The following TAF3 variants were observed in gnomAD, a reference collection of about 807,000 sequenced individuals.
TAF3 encodes TATA-box binding protein associated factor 3, also known as transcription initiation factor TFIID subunit 3.
TAF3 carries 7 observed loss-of-function variants against 80.6 expected under a neutral mutation model. The observed-to-expected ratio is 0.09, with a 90% confidence interval of 0.05 to 0.16. The LOEUF (loss-of-function observed/expected upper bound fraction) is 0.16. TAF3 is among the 10% of genes least tolerant of loss of function. The pLI is 1.00. For synonymous variants in TAF3, 444 were observed against 446.1 expected, an observed-to-expected ratio of 1.00 and a Z score of 0.06; for missense variants, 921 against 1,140.2, an observed-to-expected ratio of 0.81 and a Z score of 2.77.
In TAF3 at chr10:7,903,269, A is replaced by G. The variant is rs1837577404; in HGVS notation, c.410-60651A>G. ...TGTCATCATGTATGCTGCTGCTCAA[A>G]TTGTCCCAAATTTGACAAATGAGAG... On this transcript the variant is annotated intron_variant, in intron 2 of 6. Transcript: ENST00000344293. 2.0e-5 allele frequency among the ~76,000 whole-genome samples: 3 copies of G among 152,104 alleles called. No individual in the cohort carries two copies. The South Asian group carries it at 6.2e-4, about 32-fold the overall frequency.
Position 8,009,175 on chromosome 10 carries a change from C to T in TAF3, c.2413C>T (p.Pro805Ser). ...PPPAPAPAPG[P>S]MLVSPAPVPL... ...GCCGGCCCCCGCGCCCGCCCCCGGC[C>T]CCATGCTCGTCAGCCCTGCGCCCGT... is the stretch of plus-strand genomic sequence containing the variant. Residue 805 changes from proline (P) to serine (S), a missense_variant, in exon 5 of 7, where the codon CCC (proline) becomes TCC (serine). Transcript: ENST00000344293. This position sits in a 1 kb window ranked among gnomAD's most constrained non-coding sequence, Gnocchi z 4.1. 6.5e-7 allele frequency: 1 copy of T among 1,528,264 alleles called. No homozygotes were observed. 94.7% of individuals were successfully genotyped at this position (1,528,264 alleles called of 1,614,324 possible).
At chr10:7,955,994 C>T (rs1838131583) in intron 2 of TAF3, among the ~76,000 whole-genome samples, 1 of 152,096 alleles carries the variant, frequency 6.6e-6, no homozygotes, top group Non-Finnish European at 1.5e-5. Flanking sequence ...CAGTCACACT[C>T]TGATGCTTTT....
chr10:7,996,363 T>G (rs1831887478), intron 4 of TAF3, among the ~76,000 whole-genome samples: 1 of 152,140 alleles, frequency 6.6e-6, no homozygotes, highest in Admixed American at 6.5e-5. Context: ...CCACAGCCTG[T>G]TTTATGACCT....
chr10:7,992,319 T>C (rs549316512), intron 4 of TAF3, among the ~76,000 whole-genome samples: 73 of 152,332 alleles, frequency 4.8e-4, no homozygotes, highest in African/African-American at 1.7e-3. Flanking sequence ...TGATCTGCAT[T>C]TAACACATAC....
intron 2 of TAF3, among the ~76,000 whole-genome samples, chr10:7,864,497 G>A (rs893700721): frequency 6.6e-6 from 1 of 152,222 alleles, no homozygotes; most frequent in South Asian, 2.1e-4. Flanking sequence ...ATTCTTAACC[G>A]TAGTCACATT....
Position 7,965,250 on chromosome 10 carries a change from TAAAGAG to T in TAF3, c.1741_1746del (p.Lys581_Glu582del), listed in dbSNP as rs766867066. The T allele has an allele frequency of 3.1e-6, 5 of 1,608,668 alleles. No homozygotes were observed. Among genetic ancestry groups the T allele is most frequent in the Non-Finnish European group, 3.4e-6 (4 of 1,178,742 alleles). ...CAAAGTATCCCTGGAAGGAATTTCT[TAAAGAG>T]GAAGAGGCAGATCCCTACAAGTTTA... On this transcript the variant is annotated inframe_deletion, in exon 3 of 7. Coordinates refer to ENST00000344293, the MANE Select transcript of TAF3 (RefSeq NM_031923.4).
chr10:7,977,762 C>G (rs1252058135), intron 4 of TAF3, among the ~76,000 whole-genome samples: 1 of 152,158 alleles, frequency 6.6e-6, no homozygotes, highest in African/African-American at 2.4e-5. Flanking sequence ...TATTCTGTAC[C>G]TGTAAAACAA....
chr10:7,893,710 A>C (rs942381918), intron 2 of TAF3, among the ~76,000 whole-genome samples: 1 of 151,996 alleles, frequency 6.6e-6, no homozygotes, highest in Non-Finnish European at 1.5e-5. Flanking sequence ...CTATCTGTGT[A>C]TGCTCACCAA....
chr10:7,850,329 G>T (rs1462664544), intron 2 of TAF3, among the ~76,000 whole-genome samples: 3 of 152,160 alleles, frequency 2.0e-5, no homozygotes, highest in Non-Finnish European at 4.4e-5. Flanking sequence ...GTTTGGAGAA[G>T]CCATATGTCA....
At chr10:7,824,707 C>A in intron 2 of TAF3, 147 bp downstream of exon 2, 1 of 1,081,300 alleles carries the variant, frequency 9.2e-7, no homozygotes, top group Non-Finnish European at 1.3e-6. Context: ...AACCCTTAAA[C>A]CAACAAACTT....
At chr10:7,827,294 A>T (rs1836751571) in intron 2 of TAF3, among the ~76,000 whole-genome samples, 1 of 151,630 alleles carries the variant, frequency 6.6e-6, no homozygotes, top group South Asian at 2.1e-4. Context: ...AATAACACCT[A>T]CCACATTGGG....
intron 2 of TAF3, among the ~76,000 whole-genome samples, chr10:7,894,875 G>A (rs554752183): frequency 6.6e-6 from 1 of 151,732 alleles, no homozygotes; most frequent in Non-Finnish European, 1.5e-5. Context: ...TCCCTTTTTT[G>A]TTGTTGTTGT....
intron 4 of TAF3, among the ~76,000 whole-genome samples, chr10:7,999,042 C>G (rs1369895728): frequency 6.6e-6 from 1 of 151,982 alleles, no homozygotes; most frequent in African/African-American, 2.4e-5. Context: ...GAAGTGGAAT[C>G]TGTGTTGGCA....
chr10:7,984,100 A>C (rs1311674603), intron 4 of TAF3, among the ~76,000 whole-genome samples: 1 of 152,164 alleles, frequency 6.6e-6, no homozygotes, highest in Non-Finnish European at 1.5e-5. Context: ...CTGTACTTAC[A>C]AATTCAGCAG....
intron 2 of TAF3, among the ~76,000 whole-genome samples, chr10:7,914,381 A>T (rs1182189203): frequency 6.6e-6 from 1 of 152,196 alleles, no homozygotes; most frequent in Non-Finnish European, 1.5e-5. Context: ...CTCCTATTTC[A>T]ATCATTTCAC....
At chr10:7,929,046 G>A (rs997700252) in intron 2 of TAF3, among the ~76,000 whole-genome samples, 2 of 152,130 alleles carry the variant, frequency 1.3e-5, no homozygotes, top group African/African-American at 4.8e-5. Context: ...TGAATTTAAT[G>A]TAATAACAGT....
chr10:7,861,896 C>G (rs1837152009), intron 2 of TAF3, among the ~76,000 whole-genome samples: 1 of 152,066 alleles, frequency 6.6e-6, no homozygotes, highest in South Asian at 2.1e-4. Context: ...TATTTTTTCC[C>G]TATCATCTCC....
At position 7,845,775 on chromosome 10, in the gene TAF3, C is replaced by G. The variant is rs974122530; in HGVS notation, c.409+21215C>G. On this transcript the variant is annotated intron_variant, in intron 2 of 6. Coordinates refer to ENST00000344293, the MANE Select transcript of TAF3 (RefSeq NM_031923.4). ...GAGGCCATTCCTTAGTATTGAGCAT[C>G]TTAGTCTTTTCTGATTTTTAACTTA... Among the ~76,000 whole-genome samples, 3 of 152,084 alleles carry G rather than the reference C, an allele frequency of 2.0e-5. No homozygotes were observed. In the East Asian group the frequency reaches 5.8e-4, roughly 29 times the overall value.
chr10:7,947,301 G>A (rs993159012), intron 2 of TAF3, among the ~76,000 whole-genome samples: 11 of 142,504 alleles, frequency 7.7e-5, no homozygotes, highest in Admixed American at 3.6e-4. Flanking sequence ...CGGATAGTGC[G>A]GTTAAGAGCT....
Sources: allele counts gnomAD v4.1 joint callset (sites outside exome capture counted in the v4.1 genomes callset), GRCh38; gene constraint gnomAD v4.1.1; non-coding constraint Gnocchi (gnomAD v3.1); transcripts MANE v1.5; gene names NCBI Gene and HGNC (gene_info 2026-07-23, HGNC 2026-07-21).